CAMTA1: variants seen among roughly 807,000 people sequenced by gnomAD.
CAMTA1 encodes the protein calmodulin-binding transcription activator 1.
In CAMTA1, 27 loss-of-function variants were observed where a neutral mutation model predicts 170.9. The ratio of observed to expected loss-of-function variants is 0.16; its 90% CI spans 0.12 to 0.22. CAMTA1 has a LOEUF of 0.22. CAMTA1 is among the 10% of genes least tolerant of loss of function. The pLI is 1.00. For synonymous variants in CAMTA1, 833 were observed against 891.5 expected (o/e 0.93, Z 1.17); for missense variants, 1,619 against 2,217.2 (o/e 0.73, Z 5.42).
At position 6,917,847 on chromosome 1, in the gene CAMTA1, G is replaced by T. The variant is rs1157142225; in HGVS notation, c.234+92637G>T. Among the ~76,000 whole-genome samples, 18 of 89,660 alleles carry T rather than the reference G, an allele frequency of 2.0e-4. No individual in the cohort carries two copies. The East Asian group carries it at 3.4e-3, about 17-fold the overall frequency. 58.8% of individuals were successfully genotyped at this position (89,660 alleles called of 152,430 possible). A position where few individuals can be genotyped will look rare whatever the true frequency, so the allele number is the denominator to read the frequency against. ...GGAAGGGCAGAAGCAAAACCCATCG[G>T]GGGCGGGGGGGGACATCTACATGCC... On this transcript the variant is annotated intron_variant, in intron 3 of 22. Coordinates refer to ENST00000303635, the MANE Select transcript of CAMTA1 (RefSeq NM_015215.4).
rs1644164560 is a variant in CAMTA1 at position 7,113,129 on chromosome 1, G to A, written c.302+21758G>A. 1.3e-5 allele frequency among the ~76,000 whole-genome samples: 2 copies of A among 152,218 alleles called. No individual in the cohort carries two copies. The highest frequency in any genetic ancestry group is 1.9e-4 in the East Asian group (1 of 5,196). ...AGCAACTTTCTGAAATGCAATGTGT[G>A]CAGATAAATTATTCAGTGAAACCCA... On this transcript the variant is annotated intron_variant, in intron 4 of 22. Coordinates refer to ENST00000303635, the MANE Select transcript of CAMTA1 (RefSeq NM_015215.4). The surrounding 1 kb of genome is among the most constrained non-coding windows in gnomAD (Gnocchi z 4.5).
intron 5 of CAMTA1, among the ~76,000 whole-genome samples, chr1:7,427,655 T>G (rs1481734839): frequency 2.0e-5 from 3 of 152,262 alleles, no homozygotes; most frequent in Non-Finnish European, 2.9e-5. Flanking sequence ...CCTGAGTGGC[T>G]TGGCTTCAGA....
chr1:7,603,584 G>A lies in CAMTA1; in HGVS notation c.511-36816G>A, dbSNP rs567953500. On this transcript the variant is annotated intron_variant, in intron 6 of 22. Transcript: ENST00000303635. ...TTTGAGCCTATGTGTGTCTCTGCAC[G>A]TGAGATGGGTTTCCTGAATACAGCA... is the stretch of plus-strand genomic sequence containing the variant. Among the ~76,000 whole-genome samples, 88 of 152,212 alleles carry A rather than the reference G, an allele frequency of 5.8e-4. No homozygotes were observed. The South Asian group carries it at 9.3e-3, about 16-fold the overall frequency.
intron 5 of CAMTA1, among the ~76,000 whole-genome samples, chr1:7,447,117 T>G (rs1395598150): frequency 6.6e-6 from 1 of 152,018 alleles, no homozygotes; most frequent in African/African-American, 2.4e-5. Flanking sequence ...CCCCAACCCC[T>G]CATGCCCACC....
chr1:7,276,303 A>ATT (rs1180773965), intron 5 of CAMTA1, among the ~76,000 whole-genome samples: 20 of 24,230 alleles, frequency 8.3e-4, no homozygotes, highest in Admixed American at 4.6e-3. Flanking sequence ...ATATATATAT[A>ATT]TTTTTTTTTT....
intron 2 of CAMTA1, among the ~76,000 whole-genome samples, chr1:6,824,126 TG>T (rs1221544857): frequency 6.6e-5 from 10 of 152,278 alleles, no homozygotes; most frequent in African/African-American, 2.4e-4. Context: ...AAGTCTTTGA[TG>T]TTTTAATGTG....
rs918497427 is a variant in CAMTA1, at chr1:6,971,434, C to T, written c.235-119870C>T. On this transcript the variant is annotated intron_variant, in intron 3 of 22. Transcript: ENST00000303635. The surrounding 1 kb of genome is among the most constrained non-coding windows in gnomAD (Gnocchi z 4.6). ...TAGAAATCCTGAAATTGTGCTATCC[C>T]AAACTGTTTGCAAGCCCCTCAGTGG... Among the ~76,000 whole-genome samples the T allele has an allele frequency of 2.0e-5, 3 of 152,152 alleles. No individual in the cohort carries two copies. The highest frequency in any genetic ancestry group is 4.4e-5 in the Non-Finnish European group (3 of 68,010).
At chr1:6,996,984 G>C (rs755912385) in intron 3 of CAMTA1, among the ~76,000 whole-genome samples, 1 of 152,150 alleles carries the variant, frequency 6.6e-6, no homozygotes, top group Non-Finnish European at 1.5e-5. Flanking sequence ...CCTTTAACAA[G>C]TATCACTGGG....
At chr1:7,764,934 T>G (rs2097007018) in intron 22 of CAMTA1, among the ~76,000 whole-genome samples, 1 of 151,574 alleles carries the variant, frequency 6.6e-6, no homozygotes, top group Admixed American at 6.6e-5. Flanking sequence ...CACTCCAGCC[T>G]GGGCAACAGA....
chr1:7,085,632 G>A (rs960453482), intron 3 of CAMTA1, among the ~76,000 whole-genome samples: 2 of 152,278 alleles, frequency 1.3e-5, no homozygotes, highest in Admixed American at 6.5e-5. Context: ...CGATGAACAG[G>A]ACCTGACAGG....
chr1:7,636,693 G>A (rs1315838394), intron 6 of CAMTA1, among the ~76,000 whole-genome samples: 1 of 148,660 alleles, frequency 6.7e-6, no homozygotes. Flanking sequence ...TGGGCAACAA[G>A]AGTGAAACTC....
intron 11 of CAMTA1, among the ~76,000 whole-genome samples, chr1:7,725,077 T>C (rs997024551): frequency 6.6e-6 from 1 of 152,156 alleles, no homozygotes; most frequent in African/African-American, 2.4e-5. Context: ...AAGAGGTTCA[T>C]GAAGAGAAGC....
At chr1:7,541,276 C>T (rs1252451662) in intron 6 of CAMTA1, among the ~76,000 whole-genome samples, 3 of 152,214 alleles carry the variant, frequency 2.0e-5, no homozygotes, top group Non-Finnish European at 4.4e-5. Context: ...TCTCTCCTGC[C>T]TGGAGAAGGG....
chr1:7,128,214 A>G (rs1645043024), intron 4 of CAMTA1, among the ~76,000 whole-genome samples: 1 of 151,656 alleles, frequency 6.6e-6, no homozygotes, highest in South Asian at 2.1e-4. Context: ...GTTTCCCCCT[A>G]CCTCGCCCAT....
intron 3 of CAMTA1, among the ~76,000 whole-genome samples, chr1:7,062,523 G>A (rs1434696592): frequency 2.6e-5 from 4 of 152,180 alleles, no homozygotes; most frequent in African/African-American, 9.6e-5. Context: ...CCGGGGAGAG[G>A]TGTGGAGAAA....
At chr1:6,939,722 A>G (rs542716176) in intron 3 of CAMTA1, among the ~76,000 whole-genome samples, 36 of 152,306 alleles carry the variant, frequency 2.4e-4, no homozygotes, top group African/African-American at 8.7e-4. Context: ...ATCTCACCTC[A>G]GAGAAGCCCA....
At chr1:7,033,783 G>A (rs1364565751) in intron 3 of CAMTA1, among the ~76,000 whole-genome samples, 8 of 151,642 alleles carry the variant, frequency 5.3e-5, no homozygotes, top group East Asian at 3.9e-4. Flanking sequence ...CAGTAGAGAC[G>A]GGGTTTTACC....
intron 3 of CAMTA1, among the ~76,000 whole-genome samples, chr1:6,930,742 A>G (rs566966685): frequency 1.3e-4 from 20 of 152,278 alleles, no homozygotes; most frequent in African/African-American, 4.8e-4. Context: ...CCTAGCAGCC[A>G]TCTCTGGTCT....
intron 3 of CAMTA1, chr1:6,871,657 A>G: frequency 2.0e-6 from 2 of 1,010,648 alleles, no homozygotes; most frequent in African/African-American, 1.6e-5. Flanking sequence ...ACACGACATC[A>G]GGAATGATGG....
Sources: allele counts gnomAD v4.1 joint callset (sites outside exome capture counted in the v4.1 genomes callset), GRCh38; gene constraint gnomAD v4.1.1; non-coding constraint Gnocchi (gnomAD v3.1); transcripts MANE v1.5; gene names NCBI Gene and HGNC (gene_info 2026-07-23, HGNC 2026-07-21).